Variants in RASA3 observed in about 807,000 individuals in gnomAD.
RASA3 encodes RAS p21 protein activator 3, also known as ras GTPase-activating protein 3.
In RASA3, 73 loss-of-function variants were observed where a neutral mutation model predicts 110.0. The ratio of observed to expected loss-of-function variants is 0.66; its 90% CI spans 0.55 to 0.81. The LOEUF (loss-of-function observed/expected upper bound fraction) is 0.81, where lower values mean the gene tolerates loss of function less well. Ranked by LOEUF, RASA3 falls within the 30% of genes least tolerant of loss-of-function variation. The pLI, the probability that RASA3 is intolerant of heterozygous loss-of-function variation, is 0.00. For synonymous variants in RASA3, 500 were observed against 451.4 expected (o/e 1.11, Z -1.37); for missense variants, 976 against 1,113.2 (o/e 0.88, Z 1.75).
rs969038879 is a variant in RASA3 at position 114,114,441 on chromosome 13, A to G, written c.55+17994T>C. On this transcript the variant is annotated intron_variant, in intron 1 of 23. Transcript: ENST00000334062. This position sits in a 1 kb window ranked among gnomAD's most constrained non-coding sequence, Gnocchi z 4.8. ...GACACGGATGGATGGAGGGAGATGA[A>G]CTAATCAGCAAATGCTCCTTGCACA... Among the ~76,000 whole-genome samples, 1 of 152,194 alleles carries G rather than the reference A, an allele frequency of 6.6e-6. No homozygotes were observed. The highest frequency in any genetic ancestry group is 6.5e-5 in the Admixed American group (1 of 15,270).
intron 14 of RASA3, among the ~76,000 whole-genome samples, 194 bp downstream of exon 14, chr13:114,015,015 G>A (rs1040575842): frequency 7.2e-5 from 11 of 152,124 alleles, no homozygotes; most frequent in African/African-American, 2.4e-4. Flanking sequence ...GGGTCCCCCA[G>A]AGACCACTGC....
intron 7 of RASA3, among the ~76,000 whole-genome samples, chr13:114,024,846 G>A (rs2053998028): frequency 6.6e-6 from 1 of 152,140 alleles, no homozygotes; most frequent in South Asian, 2.1e-4. Context: ...AGCACTCCAG[G>A]GAGGGTCAGA....
chr13:114,077,187 C>T (rs544584977), intron 1 of RASA3, among the ~76,000 whole-genome samples: 3 of 152,298 alleles, frequency 2.0e-5, no homozygotes, highest in East Asian at 1.9e-4. Flanking sequence ...CACTGCAGGA[C>T]GGAAACACAC....
Position 114,021,463 on chromosome 13 carries a change from G to A in RASA3, c.726C>T (p.Phe242=), listed in dbSNP as rs752656744. The change falls in exon 9 of 24, where the codon TTC becomes TTT. Residue 242 remains phenylalanine (F), a synonymous_variant. Coordinates refer to ENST00000334062, the MANE Select transcript of RASA3 (RefSeq NM_007368.4). ...TCAACGGGATCCTTAGTTCTCCCAG[G>A]AATTCATCTCCAAACTTCAGGTTAC... ...NASNLKFGDE[F]LGELRIPLKV... 4.3e-6 allele frequency: 7 copies of A among 1,613,906 alleles called. No homozygotes were observed. The African/African-American group carries it at 8.0e-5, about 18-fold the overall frequency.
At chr13:114,066,601 C>T (rs2079454938) in intron 2 of RASA3, among the ~76,000 whole-genome samples, 1 of 152,354 alleles carries the variant, frequency 6.6e-6, no homozygotes, top group Admixed American at 6.5e-5. Context: ...GGGCCTGGGG[C>T]AGCCTGCCAT....
intron 1 of RASA3, among the ~76,000 whole-genome samples, chr13:114,104,940 C>T (rs2080114259): frequency 6.6e-6 from 1 of 151,488 alleles, no homozygotes; most frequent in Non-Finnish European, 1.5e-5. Flanking sequence ...TTCACCTGAG[C>T]ATTGCCCACA....
chr13:114,123,502 C>T (rs1035552343), intron 1 of RASA3, among the ~76,000 whole-genome samples: 16 of 152,358 alleles, frequency 1.1e-4, no homozygotes, highest in African/African-American at 3.1e-4. Context: ...CAACGCCACA[C>T]GAACAGCCAG....
chr13:114,063,243 T>C (rs1457939903), intron 2 of RASA3, among the ~76,000 whole-genome samples: 4 of 151,862 alleles, frequency 2.6e-5, no homozygotes, highest in Non-Finnish European at 2.9e-5. Flanking sequence ...GGAATTAACA[T>C]TCCAGGAAAC....
At chr13:114,055,981 G>A (rs538643147) in intron 2 of RASA3, among the ~76,000 whole-genome samples, 2 of 152,316 alleles carry the variant, frequency 1.3e-5, no homozygotes, top group African/African-American at 4.8e-5. Context: ...TGGAACGGAC[G>A]CCCTCCATTG....
chr13:114,098,626 C>T (rs867099160), intron 1 of RASA3, among the ~76,000 whole-genome samples: 51 of 151,788 alleles, frequency 3.4e-4, no homozygotes, highest in East Asian at 9.7e-4. Context: ...ACCCCATGGC[C>T]GGGATGAGGG....
At position 114,096,924 on chromosome 13, in the gene RASA3, C is replaced by G. The variant is rs531639881; in HGVS notation, c.56-23087G>C. On this transcript the variant is annotated intron_variant, in intron 1 of 23. Transcript: ENST00000334062. This position sits in a 1 kb window ranked among gnomAD's most constrained non-coding sequence, Gnocchi z 5.1. ...ATGTGCGCCTTTGAACATGCGTTCTCTCCGCCTGCAGTGCCCTCCTCTGTG... is the reference window on the plus strand; with the variant it reads ...ATGTGCGCCTTTGAACATGCGTTCTGTCCGCCTGCAGTGCCCTCCTCTGTG... Among the ~76,000 whole-genome samples the G allele has an allele frequency of 6.6e-6, 1 of 152,338 alleles. No individual in the cohort carries two copies. Among genetic ancestry groups the G allele is most frequent in the African/African-American group, 2.4e-5 (1 of 41,574 alleles).
intron 7 of RASA3, 75 bp from the exon 8 acceptor site, chr13:114,024,430 G>C (rs2053990028): frequency 7.3e-7 from 1 of 1,363,078 alleles, no homozygotes; most frequent in Non-Finnish European, 1.0e-6. Flanking sequence ...CTAGGCCCCG[G>C]GCTGCCCTAC....
intron 1 of RASA3, among the ~76,000 whole-genome samples, chr13:114,081,882 C>T (rs982799469): frequency 1.3e-5 from 2 of 152,174 alleles, no homozygotes; most frequent in Non-Finnish European, 2.9e-5. Flanking sequence ...GAGCCTGCCC[C>T]GCATCCAGGC....
intron 1 of RASA3, among the ~76,000 whole-genome samples, chr13:114,109,865 G>A (rs1023789753): frequency 1.3e-5 from 2 of 152,246 alleles, no homozygotes; most frequent in African/African-American, 4.8e-5. Flanking sequence ...ACGAGACTCA[G>A]CATCGTGTGG....
At chr13:113,989,787 C>G (rs2053066042) in intron 22 of RASA3, among the ~76,000 whole-genome samples, 1 of 152,282 alleles carries the variant, frequency 6.6e-6, no homozygotes, top group African/African-American at 2.4e-5. Flanking sequence ...GTCCAGCACA[C>G]CCATCCAGGT....
Position 114,009,373 on chromosome 13 carries a change from G to A in RASA3, c.1668+14C>T, listed in dbSNP as rs376406264. ...CACGGCACACGGGCGGTCGGAGGGT[G>A]AGTCGATACTTACGTTCTTCACCGC... On this transcript the variant is annotated intron_variant, in intron 17 of 23. Coordinates refer to ENST00000334062, the MANE Select transcript of RASA3 (RefSeq NM_007368.4). 9.0e-5 allele frequency: 144 copies of A among 1,604,010 alleles called. No homozygotes were observed. Among genetic ancestry groups the A allele is most frequent in the Non-Finnish European group, 1.2e-4 (136 of 1,172,112 alleles).
chr13:114,040,441 G>A (rs1471096663), intron 4 of RASA3, among the ~76,000 whole-genome samples: 1 of 62,678 alleles, frequency 1.6e-5, no homozygotes, highest in Non-Finnish European at 2.9e-5. Flanking sequence ...GAGCACAAGC[G>A]GGCGAACACG....
chr13:114,094,832 T>C (rs1446122804), intron 1 of RASA3, among the ~76,000 whole-genome samples: 1 of 152,254 alleles, frequency 6.6e-6, no homozygotes, highest in Non-Finnish European at 1.5e-5. Context: ...CGTTTAGATA[T>C]GTGCACAGCC....
chr13:114,101,969 G>A (rs10162219), intron 1 of RASA3, among the ~76,000 whole-genome samples: 5 of 152,148 alleles, frequency 3.3e-5, no homozygotes, highest in Non-Finnish European at 7.4e-5. Flanking sequence ...GGGGAGCGGG[G>A]GTCTCAGTTT....
Sources: gnomAD v4.1 joint callset for allele counts (sites outside exome capture counted in the v4.1 genomes callset) on GRCh38, gnomAD v4.1.1 for gene constraint, Gnocchi (gnomAD v3.1) non-coding constraint, MANE v1.5 for transcripts, NCBI Gene and HGNC (gene_info 2026-07-23, HGNC 2026-07-21) for gene names.